Variants in MORN5 observed in about 807,000 individuals in gnomAD.
MORN5 encodes the protein MORN repeat-containing protein 5.
Under a neutral mutation model 22.1 loss-of-function variants are expected in MORN5, and 21 were observed. The observed-to-expected ratio is 0.95, with a 90% confidence interval of 0.67 to 1.37. MORN5 has a LOEUF of 1.37. MORN5 is among the 40% of genes most tolerant of loss of function. The pLI is 0.00. For missense variants in MORN5, 211 were observed against 215.1 expected, an observed-to-expected ratio of 0.98 and a Z score of 0.12; for synonymous variants, 73 against 74.0, an observed-to-expected ratio of 0.99 and a Z score of 0.07.
intron 4 of MORN5, among the ~76,000 whole-genome samples, chr9:122,193,906 C>T (rs1829831044): frequency 1.3e-5 from 2 of 152,182 alleles, no homozygotes; most frequent in South Asian, 4.1e-4. Flanking sequence ...GCCTGGGAAG[C>T]AGGGGAACCT....
At chr9:122,165,395 CA>C (rs59306308) in intron 1 of MORN5, among the ~76,000 whole-genome samples, 7,004 of 82,786 alleles carry the variant, frequency 0.085, 117 homozygotes, top group East Asian at 0.19. Context: ...CCCGTCTCTA[CA>C]AAAAAAAAAA....
chr9:122,170,101 C>A (rs1829344247), intron 3 of MORN5, among the ~76,000 whole-genome samples: 1 of 152,064 alleles, frequency 6.6e-6, no homozygotes, highest in Admixed American at 6.6e-5. Context: ...ACTTCCAGAC[C>A]ATCCTGGCCA....
chr9:122,175,148 G>T (rs1829430414), intron 4 of MORN5, among the ~76,000 whole-genome samples: 1 of 152,218 alleles, frequency 6.6e-6, no homozygotes, highest in South Asian at 2.1e-4. Flanking sequence ...CACAAATAAG[G>T]GGTATCAAAT....
intron 3 of MORN5, among the ~76,000 whole-genome samples, chr9:122,174,293 C>G (rs1356410029): frequency 1.3e-5 from 2 of 152,134 alleles, no homozygotes; most frequent in East Asian, 3.9e-4. Flanking sequence ...TTCCCAAGAC[C>G]CTGTTCCCAA....
chr9:122,173,534 T>C (rs967547821), intron 3 of MORN5, among the ~76,000 whole-genome samples: 2 of 152,202 alleles, frequency 1.3e-5, no homozygotes, highest in Non-Finnish European at 2.9e-5. Context: ...GTTGTGGGCA[T>C]GGTGCTGTGT....
At chr9:122,196,789 T>C (rs1342388406) in intron 4 of MORN5, among the ~76,000 whole-genome samples, 2 of 152,248 alleles carry the variant, frequency 1.3e-5, no homozygotes, top group Non-Finnish European at 2.9e-5. Context: ...TGCACAGTTA[T>C]GACATAGGAT....
At chr9:122,163,115 A>C (rs1304105166) in intron 1 of MORN5, among the ~76,000 whole-genome samples, 1 of 152,142 alleles carries the variant, frequency 6.6e-6, no homozygotes, top group Non-Finnish European at 1.5e-5. Flanking sequence ...TAGTCGCACA[A>C]TTGAGTTCTA....
At chr9:122,185,248 A>G (rs1359632025) in intron 4 of MORN5, among the ~76,000 whole-genome samples, 1 of 148,886 alleles carries the variant, frequency 6.7e-6, no homozygotes, top group Admixed American at 6.7e-5. Flanking sequence ...TTTGAGACAG[A>G]GTCTTGCTCT....
intron 1 of MORN5, among the ~76,000 whole-genome samples, chr9:122,164,410 A>C (rs1050283473): frequency 6.6e-6 from 1 of 152,106 alleles, no homozygotes; most frequent in Admixed American, 6.6e-5. Flanking sequence ...AAAATGTAGG[A>C]GAGGTTTGGG....
At chr9:122,175,226 CT>C (rs1284435144) in intron 4 of MORN5, among the ~76,000 whole-genome samples, 2 of 152,140 alleles carry the variant, frequency 1.3e-5, no homozygotes, top group East Asian at 3.9e-4. Context: ...TGAAGAATAA[CT>C]GGGAGTTGAC....
chr9:122,167,080 A>C (rs1588301508), intron 2 of MORN5, among the ~76,000 whole-genome samples, 165 bp downstream of exon 2: 33 of 117,846 alleles, frequency 2.8e-4, no homozygotes, highest in African/African-American at 5.1e-4. Context: ...TTTTAGTCTC[A>C]CTCTGTCACC....
At chr9:122,188,641 C>T (rs1829694585) in intron 4 of MORN5, among the ~76,000 whole-genome samples, 1 of 152,234 alleles carries the variant, frequency 6.6e-6, no homozygotes, top group South Asian at 2.1e-4. Flanking sequence ...CACTTGGTTC[C>T]TCTGAACTGC....
intron 4 of MORN5, among the ~76,000 whole-genome samples, chr9:122,176,794 C>G (rs1473873689): frequency 6.6e-6 from 1 of 152,188 alleles, no homozygotes; most frequent in African/African-American, 2.4e-5. Flanking sequence ...AGGAGAATCA[C>G]TTGAACCTGG....
chr9:122,162,412 C>T (rs58158759), intron 1 of MORN5, among the ~76,000 whole-genome samples: 18,045 of 152,114 alleles, frequency 0.12, 3,655 homozygotes, highest in African/African-American at 0.41. Flanking sequence ...TCAAATGGTA[C>T]GACTGCTTTG....
intron 4 of MORN5, among the ~76,000 whole-genome samples, chr9:122,193,575 C>T (rs1829822514): frequency 6.6e-6 from 1 of 152,212 alleles, no homozygotes. Context: ...CAGAGCGAGA[C>T]TCCGTCTCAA....
intron 1 of MORN5, among the ~76,000 whole-genome samples, chr9:122,165,651 A>G (rs959156313): frequency 7.2e-5 from 11 of 152,156 alleles, no homozygotes; most frequent in Non-Finnish European, 1.3e-4. Flanking sequence ...CTCCTGTATG[A>G]GCCTGTCTTC....
chr9:122,198,609 G>A (rs541609414), intron 4 of MORN5, among the ~76,000 whole-genome samples: 2 of 152,296 alleles, frequency 1.3e-5, no homozygotes, highest in African/African-American at 4.8e-5. Flanking sequence ...GTGCAGGAAG[G>A]ATGAGCAGGA....
intron 3 of MORN5, 77 bp downstream of exon 3, chr9:122,169,833 T>A: frequency 9.9e-7 from 1 of 1,013,994 alleles, no homozygotes; most frequent in Non-Finnish European, 1.6e-6. Flanking sequence ...GTGGACTGTG[T>A]CCTACTAAAG....
rs188980255 is a variant in MORN5, at chr9:122,184,416, A to G, written c.439+9789A>G. Among the ~76,000 whole-genome samples the G allele has an allele frequency of 5.8e-4, 88 of 152,374 alleles. No homozygotes were observed. The Middle Eastern group carries it at 0.014, about 24-fold the overall frequency. ...AGAAGAAAGATCACTTTTGTCTTCTAAATTTTCTCTGGTGTTTTTTAGACA... is the reference window on the plus strand; with the variant it reads ...AGAAGAAAGATCACTTTTGTCTTCTGAATTTTCTCTGGTGTTTTTTAGACA... On this transcript the variant is annotated intron_variant, in intron 4 of 4. Transcript: ENST00000373764.
Sources: allele counts gnomAD v4.1 joint callset (sites outside exome capture counted in the v4.1 genomes callset), GRCh38; gene constraint gnomAD v4.1.1; transcripts MANE v1.5; gene names NCBI Gene and HGNC (gene_info 2026-07-23, HGNC 2026-07-21).